The following HSD17B12 variants were observed in gnomAD, a reference collection of about 807,000 sequenced individuals.
The protein encoded by HSD17B12 is very-long-chain 3-oxoacyl-CoA reductase.
A neutral mutation model predicts 39.3 loss-of-function variants in HSD17B12; 32 were observed. The ratio of observed to expected loss-of-function variants is 0.81; its 90% CI spans 0.61 to 1.09. The LOEUF (loss-of-function observed/expected upper bound fraction) is 1.09, where lower values mean the gene tolerates loss of function less well. Ranked by LOEUF, HSD17B12 falls within the 50% of genes least tolerant of loss-of-function variation. The probability of loss-of-function intolerance (pLI) is 0.00; values close to 1 mark genes in which losing one functional copy is unlikely to be tolerated. For synonymous variants in HSD17B12, 150 were observed against 146.7 expected, an observed-to-expected ratio of 1.02 and a Z score of -0.16; for missense variants, 342 against 382.9, an observed-to-expected ratio of 0.89 and a Z score of 0.89.
Position 43,724,636 on chromosome 11 carries a change from A to G in HSD17B12, c.161-26275A>G, listed in dbSNP as rs368513110. 5.3e-5 allele frequency among the ~76,000 whole-genome samples: 8 copies of G among 152,072 alleles called. No homozygotes were observed. The East Asian group carries it at 1.5e-3, about 29-fold the overall frequency. On this transcript the variant is annotated intron_variant, in intron 1 of 10. Transcript: ENST00000278353. ...GTGTCCTCTCATGGCAGAGGGGGCA[A>G]ATGAGCTCTCTCAGACCTCCAAAAG... is the stretch of plus-strand genomic sequence containing the variant.
At chr11:43,717,183 C>T (rs1050650049) in intron 1 of HSD17B12, among the ~76,000 whole-genome samples, 1 of 152,014 alleles carries the variant, frequency 6.6e-6, no homozygotes, top group Non-Finnish European at 1.5e-5. Context: ...AAAGCAGATC[C>T]TTAGAGGCCT....
intron 1 of HSD17B12, among the ~76,000 whole-genome samples, chr11:43,701,128 A>G (rs1453771703): frequency 1.3e-5 from 2 of 152,120 alleles, no homozygotes; most frequent in South Asian, 2.1e-4. Context: ...TGACATTTGT[A>G]TGTCTTCTTT....
the HSD17B12 span, among the ~76,000 whole-genome samples, chr11:43,566,873 G>T: frequency 3.9e-5 from 6 of 152,176 alleles, no homozygotes; most frequent in African/African-American, 1.4e-4. Context: ...TGCCCCGATA[G>T]GTTAGCCGAC....
intron 4 of HSD17B12, among the ~76,000 whole-genome samples, chr11:43,800,849 C>T (rs967838041): frequency 6.6e-6 from 1 of 151,822 alleles, no homozygotes; most frequent in Non-Finnish European, 1.5e-5. Context: ...AACAAGAAAG[C>T]TGTACTGGGC....
the HSD17B12 span, among the ~76,000 whole-genome samples, chr11:43,654,684 T>G: frequency 2.0e-5 from 3 of 152,222 alleles, no homozygotes; most frequent in South Asian, 4.1e-4. Flanking sequence ...TTTGTCAGGT[T>G]TGTCAAAGAT....
intron 3 of HSD17B12, among the ~76,000 whole-genome samples, chr11:43,786,129 G>A (rs1950813861): frequency 6.6e-6 from 1 of 152,164 alleles, no homozygotes; most frequent in East Asian, 1.9e-4. Flanking sequence ...AATAAGCATC[G>A]TTTTTCTGTC....
chr11:43,609,183 G>T, the HSD17B12 span, among the ~76,000 whole-genome samples: 1 of 151,296 alleles, frequency 6.6e-6, no homozygotes, highest in Non-Finnish European at 1.5e-5. Flanking sequence ...CAAGTGATCT[G>T]CCCACCTCGG....
At chr11:43,812,182 G>T (rs972113857) in intron 4 of HSD17B12, among the ~76,000 whole-genome samples, 1 of 152,028 alleles carries the variant, frequency 6.6e-6, no homozygotes, top group South Asian at 2.1e-4. Flanking sequence ...CAATAAACAC[G>T]GGGGTGCAGG....
the HSD17B12 span, among the ~76,000 whole-genome samples, chr11:43,580,906 T>C: frequency 6.6e-6 from 1 of 152,084 alleles, no homozygotes; most frequent in Non-Finnish European, 1.5e-5. Context: ...TGTATTTATT[T>C]AGTGCTCTGG....
intron 9 of HSD17B12, among the ~76,000 whole-genome samples, chr11:43,845,312 C>T (rs886515980): frequency 2.0e-5 from 3 of 152,236 alleles, no homozygotes; most frequent in Non-Finnish European, 4.4e-5. Flanking sequence ...TATGTAACCA[C>T]AATACCCGTA....
chr11:43,709,703 AT>A (rs1201316220), intron 1 of HSD17B12, among the ~76,000 whole-genome samples: 8 of 152,250 alleles, frequency 5.3e-5, no homozygotes, highest in Non-Finnish European at 1.0e-4. Flanking sequence ...TTAAGTAGAT[AT>A]AAACAAGAAA....
chr11:43,814,643 G>T (rs1951104089), intron 4 of HSD17B12, among the ~76,000 whole-genome samples: 1 of 152,024 alleles, frequency 6.6e-6, no homozygotes, highest in African/African-American at 2.4e-5. Flanking sequence ...AGGTAAGGGG[G>T]TGTGGTATAA....
At chr11:43,777,392 A>C (rs1297673775) in intron 3 of HSD17B12, among the ~76,000 whole-genome samples, 1 of 152,250 alleles carries the variant, frequency 6.6e-6, no homozygotes, top group East Asian at 1.9e-4. Flanking sequence ...TTCACTCATG[A>C]TTTGGCTCTC....
the HSD17B12 span, among the ~76,000 whole-genome samples, chr11:43,563,657 T>A: frequency 6.6e-6 from 1 of 151,894 alleles, no homozygotes; most frequent in African/African-American, 2.4e-5. Flanking sequence ...TCTACTAAAT[T>A]TTTTTTTCTA....
the HSD17B12 span, among the ~76,000 whole-genome samples, chr11:43,661,173 ATC>A: frequency 6.6e-6 from 1 of 152,172 alleles, no homozygotes; most frequent in Non-Finnish European, 1.5e-5. Flanking sequence ...CCACAGCTTA[ATC>A]TCAATGGTAG....
upstream of HSD17B12, among the ~76,000 whole-genome samples, chr11:43,678,577 G>T (rs1333256283): frequency 2.6e-5 from 4 of 152,144 alleles, no homozygotes; most frequent in Admixed American, 1.3e-4. Flanking sequence ...GGTCTAACAT[G>T]TAAGTCTTTA....
At chr11:43,836,379 G>A (rs894160195) in intron 7 of HSD17B12, among the ~76,000 whole-genome samples, 3 of 152,158 alleles carry the variant, frequency 2.0e-5, no homozygotes, top group African/African-American at 4.8e-5. Flanking sequence ...AAGATTGAGG[G>A]TTACTTCTTA....
intron 1 of HSD17B12, among the ~76,000 whole-genome samples, chr11:43,708,290 T>A (rs1046340306): frequency 1.3e-5 from 2 of 152,090 alleles, no homozygotes; most frequent in Non-Finnish European, 2.9e-5. Context: ...ATGCAATTTT[T>A]AAAACAACAA....
chr11:43,634,443 A>AT, the HSD17B12 span, among the ~76,000 whole-genome samples: 4 of 151,930 alleles, frequency 2.6e-5, no homozygotes, highest in East Asian at 5.8e-4. Context: ...GGAAGAATGC[A>AT]TTTTTTTTCC....
Sources: allele counts gnomAD v4.1 joint callset (sites outside exome capture counted in the v4.1 genomes callset), GRCh38; gene constraint gnomAD v4.1.1; transcripts MANE v1.5; gene names NCBI Gene and HGNC (gene_info 2026-07-23, HGNC 2026-07-21).